The following SORCS1 variants were observed in gnomAD, a reference collection of about 807,000 sequenced individuals.
SORCS1 encodes the protein VPS10 domain-containing receptor SorCS1.
In SORCS1, 60 loss-of-function variants were observed where a neutral mutation model predicts 146.1. The ratio of observed to expected loss-of-function variants is 0.41; its 90% CI spans 0.33 to 0.51. SORCS1 has a LOEUF of 0.51. SORCS1 is among the 20% of genes least tolerant of loss of function. The pLI, the probability that SORCS1 is intolerant of heterozygous loss-of-function variation, is 0.21. For synonymous variants in SORCS1, 637 were observed against 584.0 expected, an observed-to-expected ratio of 1.09 and a Z score of -1.31; for missense variants, 1,352 against 1,487.6, an observed-to-expected ratio of 0.91 and a Z score of 1.50.
At chr10:107,055,875 A>C (rs951494790) in intron 1 of SORCS1, among the ~76,000 whole-genome samples, 1 of 152,170 alleles carries the variant, frequency 6.6e-6, no homozygotes, top group Non-Finnish European at 1.5e-5. Context: ...TGTTCAAGGG[A>C]GTTTCTATCA....
In SORCS1 at chr10:107,085,873, T is replaced by C. The variant is rs549382224; in HGVS notation, c.558+78096A>G. 2.3e-4 allele frequency among the ~76,000 whole-genome samples: 35 copies of C among 152,306 alleles called. 1 individual carries two copies. Among genetic ancestry groups the C allele is most frequent in the South Asian group, 6.2e-4 (3 of 4,826 alleles). On this transcript the variant is annotated intron_variant, in intron 1 of 25. Coordinates refer to ENST00000263054, the MANE Select transcript of SORCS1 (RefSeq NM_052918.5). Reference sequence around the variant, plus strand: ...TGCATTGAAGACACTAGCTCTACATTGTACAATCACTCACAAAGCAATTGG... The same window carrying C: ...TGCATTGAAGACACTAGCTCTACATCGTACAATCACTCACAAAGCAATTGG...
Position 106,775,205 on chromosome 10 carries a change from C to T in SORCS1, c.885+1329G>A, listed in dbSNP as rs534444321. Among the ~76,000 whole-genome samples, 27 of 152,294 alleles carry T rather than the reference C, an allele frequency of 1.8e-4. No individual in the cohort carries two copies. The East Asian group carries it at 5.2e-3, about 29-fold the overall frequency. On this transcript the variant is annotated intron_variant, in intron 4 of 25. Transcript: ENST00000263054. ...CGGTGGGGGGGAATTAACCAACTGT[C>T]GAATAAAATGTAACAACCCTGTGGA...
At chr10:106,831,206 A>AAAATAAAT (rs954699876) in intron 2 of SORCS1, among the ~76,000 whole-genome samples, 2 of 152,092 alleles carry the variant, frequency 1.3e-5, no homozygotes, top group Non-Finnish European at 2.9e-5. Flanking sequence ...CATCTCAAAA[A>AAAATAAAT]AAATAAATAA....
chr10:106,813,371 A>G (rs1947574025), intron 3 of SORCS1, among the ~76,000 whole-genome samples: 1 of 151,388 alleles, frequency 6.6e-6, no homozygotes. Context: ...TGACTTCGTG[A>G]TCCTACCTAC....
chr10:106,992,246 C>T (rs1956798908), intron 1 of SORCS1, among the ~76,000 whole-genome samples: 1 of 151,964 alleles, frequency 6.6e-6, no homozygotes, highest in African/African-American at 2.4e-5. Context: ...ATATTCGTCC[C>T]AATATTCACA....
chr10:107,139,147 T>C (rs1034510876), intron 1 of SORCS1, among the ~76,000 whole-genome samples: 3 of 152,214 alleles, frequency 2.0e-5, no homozygotes, highest in African/African-American at 7.2e-5. Flanking sequence ...ATCTGATGAA[T>C]TAAATTCCCA....
Position 107,124,962 on chromosome 10 carries a change from T to TG in SORCS1, c.558+39006_558+39007insC, listed in dbSNP as rs552920420. Among the ~76,000 whole-genome samples the TG allele has an allele frequency of 3.7e-3, 539 of 147,524 alleles. 3 individuals carry two copies. Among genetic ancestry groups the TG allele is most frequent in the Non-Finnish European group, 4.8e-3 (319 of 66,590 alleles). On this transcript the variant is annotated intron_variant, in intron 1 of 25. Transcript: ENST00000263054. Reference sequence around the variant, plus strand: ...TCTTTCTTTTCTTTTTCTTTTTTTTTTTTTTTTTTGAGATGGAGTCTTGCT... The same window carrying TG: ...TCTTTCTTTTCTTTTTCTTTTTTTTTGTTTTTTTTTGAGATGGAGTCTTGCT...
chr10:106,616,322 A>T (rs1847357401), intron 21 of SORCS1, among the ~76,000 whole-genome samples: 1 of 152,160 alleles, frequency 6.6e-6, no homozygotes, highest in Admixed American at 6.5e-5. Flanking sequence ...AGGAAAAAAA[A>T]ATCCAGTGAA....
rs1337800488 is a variant in SORCS1 at position 106,754,269 on chromosome 10, G to A, written c.959+7319C>T. On this transcript the variant is annotated intron_variant, in intron 5 of 25. Coordinates refer to ENST00000263054, the MANE Select transcript of SORCS1 (RefSeq NM_052918.5). ...ATTGGAGTGAATTGGGAAGATAGAA[G>A]CTTCTAGAGGCCACTGCAAAGAGAT... Among the ~76,000 whole-genome samples the A allele has an allele frequency of 3.3e-5, 5 of 152,188 alleles. No homozygotes were observed. The South Asian group carries it at 8.3e-4, about 25-fold the overall frequency.
At chr10:106,928,115 G>A (rs967257734) in intron 2 of SORCS1, among the ~76,000 whole-genome samples, 2 of 152,256 alleles carry the variant, frequency 1.3e-5, no homozygotes, top group African/African-American at 2.4e-5. Flanking sequence ...GCACTCCTCA[G>A]CCCTTGGGTG....
intron 1 of SORCS1, among the ~76,000 whole-genome samples, chr10:106,998,051 T>G (rs1442667613): frequency 2.0e-5 from 3 of 152,250 alleles, no homozygotes; most frequent in African/African-American, 7.2e-5. Flanking sequence ...CGAGCAGCCT[T>G]GCAAATAGAA....
In SORCS1 at chr10:106,980,706, G is replaced by A. The variant is rs78190690; in HGVS notation, c.559-24126C>T. ...CTGTTATACATATTTCCTCTTTTCC[G>A]CAGCCTACAAGAAAATATGCTGGTG... is the stretch of plus-strand genomic sequence containing the variant. On this transcript the variant is annotated intron_variant, in intron 1 of 25. Coordinates refer to ENST00000263054, the MANE Select transcript of SORCS1 (RefSeq NM_052918.5). Among the ~76,000 whole-genome samples, 330 of 152,134 alleles carry A rather than the reference G, an allele frequency of 2.2e-3. 2 individuals are homozygous for A. The highest frequency in any genetic ancestry group is 7.4e-3 in the African/African-American group (307 of 41,504).
At chr10:106,787,858 C>G in intron 3 of SORCS1, among the ~76,000 whole-genome samples, 1 of 152,148 alleles carries the variant, frequency 6.6e-6, no homozygotes, top group Admixed American at 6.5e-5. Flanking sequence ...TATACAAAAG[C>G]CATTTTCAGA....
Position 106,627,008 on chromosome 10 carries a change from C to T in SORCS1, c.2662+2194G>A, listed in dbSNP as rs546270887. ...CAAATATTTGGTCCAATCAACTAGG[C>T]TAATGAAATGAAAGAATTGCAAATG... is the stretch of plus-strand genomic sequence containing the variant. On this transcript the variant is annotated intron_variant, in intron 19 of 25. Coordinates refer to ENST00000263054, the MANE Select transcript of SORCS1 (RefSeq NM_052918.5). 1.8e-3 allele frequency among the ~76,000 whole-genome samples: 270 copies of T among 152,254 alleles called. 4 individuals are homozygous for T. The highest frequency in any genetic ancestry group is 6.3e-3 in the African/African-American group (262 of 41,536).
chr10:106,806,864 G>A (rs965136606), intron 3 of SORCS1, among the ~76,000 whole-genome samples: 2 of 152,014 alleles, frequency 1.3e-5, no homozygotes, highest in African/African-American at 4.8e-5. Flanking sequence ...TATTATTCAT[G>A]ACAAATGCAT....
intron 18 of SORCS1, among the ~76,000 whole-genome samples, chr10:106,646,091 C>T (rs1452120447): frequency 6.6e-6 from 1 of 151,736 alleles, no homozygotes; most frequent in Non-Finnish European, 1.5e-5. Flanking sequence ...ATGGTGAAAC[C>T]TTGTCTCTAC....
At chr10:106,693,460 G>C (rs930986844) in intron 9 of SORCS1, among the ~76,000 whole-genome samples, 1 of 152,060 alleles carries the variant, frequency 6.6e-6, no homozygotes, top group African/African-American at 2.4e-5. Flanking sequence ...GAGAAATATC[G>C]TATCAGAATG....
chr10:107,107,497 A>G (rs1474893191), intron 1 of SORCS1, among the ~76,000 whole-genome samples: 1 of 152,230 alleles, frequency 6.6e-6, no homozygotes, highest in East Asian at 1.9e-4. Context: ...ATCTTTAAAC[A>G]AAGCACTGAA....
At chr10:106,674,523 A>G (rs1282456777) in intron 14 of SORCS1, among the ~76,000 whole-genome samples, 1 of 152,018 alleles carries the variant, frequency 6.6e-6, no homozygotes, top group Non-Finnish European at 1.5e-5. Context: ...TTCAAAGTCC[A>G]TGTATTGAAA....
Sources: allele counts gnomAD v4.1 joint callset (sites outside exome capture counted in the v4.1 genomes callset), GRCh38; gene constraint gnomAD v4.1.1; transcripts MANE v1.5; gene names NCBI Gene and HGNC (gene_info 2026-07-23, HGNC 2026-07-21).